WFDC11: variants seen among roughly 807,000 people sequenced by gnomAD.
WFDC11 encodes WAP four-disulfide core domain 11, also known as protein WFDC11.
WFDC11 carries 9 observed loss-of-function variants against 9.9 expected under a neutral mutation model. The ratio of observed to expected loss-of-function variants is 0.91; its 90% confidence interval spans 0.55 to 1.58. The LOEUF is 1.58. Ranked by LOEUF, WFDC11 falls within the 40% of genes most tolerant of loss-of-function variation. The pLI is 0.00. For missense variants in WFDC11, 106 were observed against 101.7 expected, an observed-to-expected ratio of 1.04 and a Z score of -0.18; for synonymous variants, 32 against 33.3, an observed-to-expected ratio of 0.96 and a Z score of 0.13.
intron 1 of WFDC11, among the ~76,000 whole-genome samples, chr20:45,669,675 G>C (rs1983258180): frequency 6.6e-6 from 1 of 152,120 alleles, no homozygotes; most frequent in Non-Finnish European, 1.5e-5. Context: ...AATTAAACCA[G>C]TGTTGAGAGG....
chr20:45,656,787 C>G (rs2145618823), intron 2 of WFDC11, among the ~76,000 whole-genome samples: 1 of 152,328 alleles, frequency 6.6e-6, no homozygotes, highest in South Asian at 2.1e-4. Context: ...TGAACAGACA[C>G]TTCTCAAAAG....
At chr20:45,660,543 C>T (rs1189226062) in intron 2 of WFDC11, among the ~76,000 whole-genome samples, 2 of 152,116 alleles carry the variant, frequency 1.3e-5, no homozygotes, top group Admixed American at 1.3e-4. Flanking sequence ...TTAGGTATAT[C>T]TCCCAATGCT....
chr20:45,650,458 C>T lies in WFDC11; in HGVS notation c.100+43G>A, dbSNP rs566630768. On this transcript the variant is annotated intron_variant, in intron 3 of 4. Transcript: ENST00000324384. Reference sequence around the variant, plus strand: ...ACCCCCTCCCTTGTTCAGAAACAAGCTCATCCCCCTCCTGTGGCCCCTAAT... The same window carrying T: ...ACCCCCTCCCTTGTTCAGAAACAAGTTCATCCCCCTCCTGTGGCCCCTAAT... 10 of 1,534,106 alleles carry T rather than the reference C, an allele frequency of 6.5e-6. No individual in the cohort carries two copies. The East Asian group carries it at 6.7e-5, about 10-fold the overall frequency.
rs531415782 is a variant in WFDC11, at chr20:45,651,616, C to T, written c.-51-965G>A. On this transcript the variant is annotated intron_variant, in intron 2 of 4. Transcript: ENST00000324384. Reference sequence around the variant, plus strand: ...CAGAAAGTGGGTGCAGCACACCGAGCATGAGCCAAAGCAGGGCAAGGCATT... The same window carrying T: ...CAGAAAGTGGGTGCAGCACACCGAGTATGAGCCAAAGCAGGGCAAGGCATT... Among the ~76,000 whole-genome samples, 7 of 152,278 alleles carry T rather than the reference C, an allele frequency of 4.6e-5. No homozygotes were observed. The East Asian group carries it at 1.2e-3, about 25-fold the overall frequency.
At chr20:45,658,550 C>T (rs1479970984) in intron 2 of WFDC11, among the ~76,000 whole-genome samples, 1 of 151,846 alleles carries the variant, frequency 6.6e-6, no homozygotes, top group Admixed American at 6.6e-5. Context: ...GTTGTAATAT[C>T]TCCCATTTCA....
chr20:45,666,787 G>A (rs970107678), intron 2 of WFDC11, among the ~76,000 whole-genome samples: 3 of 152,030 alleles, frequency 2.0e-5, no homozygotes, highest in Non-Finnish European at 4.4e-5. Flanking sequence ...TTCAATTGGG[G>A]TTTATCTGAG....
intron 2 of WFDC11, among the ~76,000 whole-genome samples, chr20:45,661,594 A>G (rs1471897928): frequency 6.6e-6 from 1 of 152,164 alleles, no homozygotes; most frequent in African/African-American, 2.4e-5. Flanking sequence ...TAATTTTTGT[A>G]TACGGTGTAA....
chr20:45,653,605 T>C (rs1450744957), intron 2 of WFDC11, among the ~76,000 whole-genome samples: 1 of 151,928 alleles, frequency 6.6e-6, no homozygotes, highest in Non-Finnish European at 1.5e-5. Context: ...GTAAATGGGC[T>C]AAATGCTCCA....
At chr20:45,667,812 CTG>C (rs1468885958) in intron 1 of WFDC11, among the ~76,000 whole-genome samples, 1 of 152,170 alleles carries the variant, frequency 6.6e-6, no homozygotes, top group Non-Finnish European at 1.5e-5. Flanking sequence ...GTGTTAAACA[CTG>C]AGACCCAATG....
intron 2 of WFDC11, among the ~76,000 whole-genome samples, chr20:45,662,616 T>C (rs1983095313): frequency 6.6e-6 from 1 of 152,182 alleles, no homozygotes; most frequent in Non-Finnish European, 1.5e-5. Flanking sequence ...TTATTAAAAG[T>C]TTTTAGCATG....
At chr20:45,656,577 T>C (rs1216716816) in intron 2 of WFDC11, among the ~76,000 whole-genome samples, 1 of 152,012 alleles carries the variant, frequency 6.6e-6, no homozygotes, top group Admixed American at 6.6e-5. Flanking sequence ...AAAGCCAAAA[T>C]AGACAAGTGG....
intron 1 of WFDC11, among the ~76,000 whole-genome samples, chr20:45,667,697 T>C (rs1448582438): frequency 6.6e-6 from 1 of 152,194 alleles, no homozygotes; most frequent in Admixed American, 6.5e-5. Context: ...CCACTTACTC[T>C]AGGAAAGTCA....
At position 45,648,614 on chromosome 20, in the gene WFDC11, T is replaced by A; in HGVS notation, c.*105A>T. On this transcript the variant is annotated 3_prime_UTR_variant, in exon 5 of 5. Coordinates refer to ENST00000324384, the MANE Select transcript of WFDC11 (RefSeq NM_147197.2). ...GTGTTTGCTGTTGTCCAGCTCTCAG[T>A]AAAAATAGACTGGTGTTCCTAAAAG... 3.2e-6 allele frequency: 4 copies of A among 1,259,484 alleles called. No homozygotes were observed. Among genetic ancestry groups the A allele is most frequent in the Non-Finnish European group, 4.6e-6 (4 of 878,612 alleles). 78.0% of individuals were successfully genotyped at this position (1,259,484 alleles called of 1,614,324 possible).
In WFDC11 at chr20:45,654,850, T is replaced by C. The variant is rs1982888079; in HGVS notation, c.-51-4199A>G. 2.0e-5 allele frequency among the ~76,000 whole-genome samples: 3 copies of C among 152,216 alleles called. No individual in the cohort carries two copies. The South Asian group carries it at 6.2e-4, about 32-fold the overall frequency. ...AATCTAGAAGAAAGGCATAAATTCC[T>C]TGACACCTACACCCTCCCAAGACTA... On this transcript the variant is annotated intron_variant, in intron 2 of 4. Transcript: ENST00000324384.
intron 2 of WFDC11, among the ~76,000 whole-genome samples, chr20:45,657,431 T>G (rs1982958034): frequency 1.1e-5 from 1 of 93,570 alleles, no homozygotes; most frequent in African/African-American, 4.3e-5. Context: ...CAGGGCCTGT[T>G]GTGGGGTGGG....
intron 1 of WFDC11, among the ~76,000 whole-genome samples, chr20:45,667,471 TA>T (rs11476996): frequency 0.17 from 26,604 of 152,052 alleles, 2,498 homozygotes; most frequent in East Asian, 0.32. Flanking sequence ...TCTACATATC[TA>T]TTTTTTTTCT....
At chr20:45,652,004 T>A (rs547293448) in intron 2 of WFDC11, among the ~76,000 whole-genome samples, 2 of 152,316 alleles carry the variant, frequency 1.3e-5, no homozygotes, top group East Asian at 3.9e-4. Context: ...ACTCCACCTC[T>A]GGGGGAGGGC....
intron 2 of WFDC11, among the ~76,000 whole-genome samples, chr20:45,654,227 C>T (rs548538082): frequency 6.6e-6 from 1 of 152,340 alleles, no homozygotes; most frequent in African/African-American, 2.4e-5. Flanking sequence ...TTATAACAAA[C>T]TGTCTCTCAG....
intron 2 of WFDC11, among the ~76,000 whole-genome samples, chr20:45,653,052 C>G (rs983858946): frequency 1.3e-5 from 2 of 152,098 alleles, no homozygotes; most frequent in Non-Finnish European, 2.9e-5. Context: ...GCAAGGCAGG[C>G]CAACATTCAA....
Sources: gnomAD v4.1 joint callset for allele counts (sites outside exome capture counted in the v4.1 genomes callset) on GRCh38, gnomAD v4.1.1 for gene constraint, MANE v1.5 for transcripts, NCBI Gene and HGNC (gene_info 2026-07-23, HGNC 2026-07-21) for gene names.